The following CLYBL variants were observed in gnomAD, a reference collection of about 807,000 sequenced individuals.
CLYBL encodes the protein citramalyl-CoA lyase.
In CLYBL, 31 loss-of-function variants were observed where a neutral mutation model predicts 38.9. That is an observed-to-expected ratio of 0.80 (90% CI 0.60 to 1.08). The LOEUF (loss-of-function observed/expected upper bound fraction) is 1.08, where lower values mean the gene tolerates loss of function less well. CLYBL is among the 50% of genes least tolerant of loss of function. The pLI is 0.00. For synonymous variants in CLYBL, 171 were observed against 158.6 expected (o/e 1.08, Z -0.59); for missense variants, 434 against 411.6 (o/e 1.05, Z -0.47).
intron 2 of CLYBL, among the ~76,000 whole-genome samples, chr13:99,830,649 C>T (rs1799579824): frequency 6.6e-6 from 1 of 152,122 alleles, no homozygotes; most frequent in Admixed American, 6.5e-5. Context: ...AGAGATCTTA[C>T]CAAAGACCTC....
intron 1 of CLYBL, among the ~76,000 whole-genome samples, chr13:99,701,377 C>T (rs925492354): frequency 3.9e-5 from 6 of 152,094 alleles, no homozygotes; most frequent in African/African-American, 1.4e-4. Context: ...GTGGCGGGAT[C>T]TCGGCTCACT....
downstream of CLYBL, among the ~76,000 whole-genome samples, chr13:99,901,400 G>C (rs1880533961): frequency 6.6e-6 from 1 of 152,148 alleles, no homozygotes; most frequent in South Asian, 2.1e-4. Context: ...TAAATCGAAT[G>C]TCTTAGGCCA....
At chr13:99,745,505 G>A (rs1483842746) in intron 1 of CLYBL, among the ~76,000 whole-genome samples, 1 of 152,146 alleles carries the variant, frequency 6.6e-6, no homozygotes, top group African/African-American at 2.4e-5. Context: ...GAAGTTCTAG[G>A]AAGTCTTACC....
intron 1 of CLYBL, among the ~76,000 whole-genome samples, chr13:99,679,875 G>C (rs1385727800): frequency 6.6e-6 from 1 of 151,920 alleles, no homozygotes; most frequent in Non-Finnish European, 1.5e-5. Context: ...GAAATGTTTG[G>C]CCAACTAGAT....
intron 6 of CLYBL, among the ~76,000 whole-genome samples, chr13:99,868,161 C>T (rs897066073): frequency 4.7e-4 from 72 of 152,146 alleles, no homozygotes; most frequent in African/African-American, 1.7e-3. Flanking sequence ...TTCAAGGGAA[C>T]GAGGCCATAA....
chr13:99,720,956 C>T (rs563947861), intron 1 of CLYBL, among the ~76,000 whole-genome samples: 17 of 151,272 alleles, frequency 1.1e-4, no homozygotes, highest in African/African-American at 3.6e-4. Flanking sequence ...CATGTTCCCT[C>T]GTTTCTTAAC....
intron 1 of CLYBL, 57 bp from the exon 2 acceptor site, chr13:99,772,767 C>T: frequency 7.3e-7 from 1 of 1,360,926 alleles, no homozygotes; most frequent in Non-Finnish European, 1.0e-6. Flanking sequence ...TAGTTTTTCA[C>T]AAGTTTATAA....
At chr13:99,617,396 A>C (rs1482743310) in intron 1 of CLYBL, among the ~76,000 whole-genome samples, 1 of 152,224 alleles carries the variant, frequency 6.6e-6, no homozygotes, top group Non-Finnish European at 1.5e-5. Context: ...GAAGTAGTGC[A>C]GGCTTGTTTG....
intron 2 of CLYBL, among the ~76,000 whole-genome samples, chr13:99,774,781 G>A (rs1594174281): frequency 1.3e-5 from 2 of 152,300 alleles, no homozygotes; most frequent in East Asian, 3.9e-4. Flanking sequence ...TCTTTGGCAT[G>A]TGCCAAGGAA....
intron 2 of CLYBL, among the ~76,000 whole-genome samples, chr13:99,779,488 TATAAC>T (rs946234978): frequency 2.6e-5 from 4 of 152,204 alleles, no homozygotes; most frequent in Non-Finnish European, 5.9e-5. Flanking sequence ...TTGCTTGAAA[TATAAC>T]ATACAAAAGA....
chr13:99,811,939 A>G (rs1460996326), intron 2 of CLYBL, among the ~76,000 whole-genome samples: 1 of 152,210 alleles, frequency 6.6e-6, no homozygotes, highest in Admixed American at 6.5e-5. Context: ...CTAGTCACTG[A>G]TATTTATTTA....
intron 2 of CLYBL, among the ~76,000 whole-genome samples, chr13:99,801,245 C>G (rs953216125): frequency 4.6e-5 from 7 of 152,216 alleles, no homozygotes; most frequent in Non-Finnish European, 8.8e-5. Flanking sequence ...TAAATGCAGG[C>G]TTAATGTTTT....
In CLYBL at chr13:99,768,652, C is replaced by T. The variant is rs552970215; in HGVS notation, c.63-4172C>T. 1.2e-3 allele frequency among the ~76,000 whole-genome samples: 176 copies of T among 152,006 alleles called. 1 individual carries two copies. The highest frequency in any genetic ancestry group is 2.9e-3 in the South Asian group (14 of 4,808). On this transcript the variant is annotated intron_variant, in intron 1 of 8. Coordinates refer to ENST00000339105, the MANE Select transcript of CLYBL (RefSeq NM_206808.5). ...TCAGCCACCCAAGTAGCTGGGATTA[C>T]AGGCATGTGCCACCACACCTGGCTA...
chr13:99,701,366 A>G (rs979456849), intron 1 of CLYBL, among the ~76,000 whole-genome samples: 1 of 152,166 alleles, frequency 6.6e-6, no homozygotes, highest in African/African-American at 2.4e-5. Flanking sequence ...GCTGGAGTGC[A>G]GTGGCGGGAT....
chr13:99,842,304 G>C (rs962531637), intron 2 of CLYBL, among the ~76,000 whole-genome samples: 7 of 152,200 alleles, frequency 4.6e-5, no homozygotes, highest in African/African-American at 1.7e-4. Context: ...TTTAGGGATA[G>C]AGAGGGCACC....
At chr13:99,817,553 G>A (rs1343659780) in intron 2 of CLYBL, among the ~76,000 whole-genome samples, 1 of 151,164 alleles carries the variant, frequency 6.6e-6, no homozygotes, top group African/African-American at 2.4e-5. Flanking sequence ...TACTCAGGAG[G>A]CTGAGGCAGG....
intron 2 of CLYBL, among the ~76,000 whole-genome samples, chr13:99,804,502 A>C (rs1175809503): frequency 6.6e-6 from 1 of 152,050 alleles, no homozygotes; most frequent in Non-Finnish European, 1.5e-5. Flanking sequence ...ATGATCAGAG[A>C]GATCCTATAC....
At chr13:99,611,607 G>A (rs2046627899) in intron 1 of CLYBL, among the ~76,000 whole-genome samples, 2 of 152,294 alleles carry the variant, frequency 1.3e-5, no homozygotes, top group Middle Eastern at 3.4e-3. Flanking sequence ...ATATTGCCTT[G>A]GTCTGGGTTT....
intron 1 of CLYBL, among the ~76,000 whole-genome samples, chr13:99,640,940 CT>C: frequency 6.6e-6 from 1 of 152,320 alleles, no homozygotes; most frequent in South Asian, 2.1e-4. Context: ...AAAACATTCC[CT>C]TTATGGGAGG....
Sources: allele counts gnomAD v4.1 joint callset (sites outside exome capture counted in the v4.1 genomes callset), GRCh38; gene constraint gnomAD v4.1.1; transcripts MANE v1.5; gene names NCBI Gene and HGNC (gene_info 2026-07-23, HGNC 2026-07-21).